The following NSD3 variants were observed in gnomAD, a reference collection of about 807,000 sequenced individuals.
The protein encoded by NSD3 is histone-lysine N-methyltransferase NSD3.
Under a neutral mutation model 160.8 loss-of-function variants are expected in NSD3, and 24 were observed. That is an observed-to-expected ratio of 0.15 (90% CI 0.11 to 0.21). The LOEUF is 0.21. Ranked by LOEUF, NSD3 falls within the 10% of genes least tolerant of loss-of-function variation. The pLI is 1.00. For synonymous variants in NSD3, 520 were observed against 600.0 expected (o/e 0.87, Z 1.95); for missense variants, 1,157 against 1,735.9 (o/e 0.67, Z 5.93).
intron 19 of NSD3, among the ~76,000 whole-genome samples, chr8:38,282,780 G>A (rs1034906660): frequency 2.0e-5 from 3 of 152,216 alleles, no homozygotes; most frequent in Admixed American, 1.3e-4. Context: ...ATTCTCTTGA[G>A]ATCTACCCAA....
rs541670876 is a variant in NSD3, at chr8:38,295,998, G to T, written c.2759-46C>A. ...TTAATAACTGAGAAAAGAGGAGAGA[G>T]AAAAAGAAAGAAAAAGGAGAAAGTT... is the stretch of plus-strand genomic sequence containing the variant. On this transcript the variant is annotated intron_variant, in intron 15 of 23. Transcript: ENST00000317025. 1.5e-5 allele frequency: 23 copies of T among 1,505,554 alleles called. No individual in the cohort carries two copies. The East Asian group carries it at 5.3e-4, about 35-fold the overall frequency. The allele number at this position is 1,505,554 out of a possible 1,614,324, so 93.3% of individuals were successfully genotyped here.
At chr8:38,296,799 A>G (rs1156825433) in intron 15 of NSD3, among the ~76,000 whole-genome samples, 1 of 149,390 alleles carries the variant, frequency 6.7e-6, no homozygotes, top group Admixed American at 6.7e-5. Flanking sequence ...CTGGTCTTGA[A>G]CTCCTGGCCT....
chr8:38,328,283 C>T (rs1482646204), intron 6 of NSD3, among the ~76,000 whole-genome samples: 1 of 152,106 alleles, frequency 6.6e-6, no homozygotes, highest in Non-Finnish European at 1.5e-5. Flanking sequence ...CTTTAAATAG[C>T]ATTCTTTGGG....
intron 1 of NSD3, among the ~76,000 whole-genome samples, chr8:38,349,665 T>TTATATATATATATATATATATA (rs71519992): frequency 9.1e-5 from 10 of 109,780 alleles, no homozygotes; most frequent in African/African-American, 3.2e-4. Context: ...ATTTCTTTCT[T>TTATATATATATATATATATATA]TATATATATA....
At position 38,288,269 on chromosome 8, in the gene NSD3, T is replaced by C. The variant is rs1188675865; in HGVS notation, c.3501+218A>G. On this transcript the variant is annotated intron_variant, in intron 19 of 23. Coordinates refer to ENST00000317025, the MANE Select transcript of NSD3 (RefSeq NM_023034.2). This position sits in a 1 kb window ranked among gnomAD's most constrained non-coding sequence, Gnocchi z 4.5. ...ACCAGTGTCCCCTCTCTCCTTTTTA[T>C]GACTAGCCACTGGACACTCAAAGTT... is the stretch of plus-strand genomic sequence containing the variant. Among the ~76,000 whole-genome samples the C allele has an allele frequency of 6.6e-6, 1 of 152,218 alleles. No homozygotes were observed. The highest frequency in any genetic ancestry group is 1.5e-5 in the Non-Finnish European group (1 of 68,038).
rs1554524739 is a variant in NSD3 at position 38,316,810 on chromosome 8, GT to G, written c.1856-769del. ...AAAAGGCAGAGAATAGTGTGGAATT[GT>G]TTTTTTTAAAACTGTGTGTAATACA... On this transcript the variant is annotated intron_variant, in intron 9 of 23. Coordinates refer to ENST00000317025, the MANE Select transcript of NSD3 (RefSeq NM_023034.2). This position sits in a 1 kb window ranked among gnomAD's most constrained non-coding sequence, Gnocchi z 4.5. 4.7e-6 allele frequency: 5 copies of G among 1,060,446 alleles called. No homozygotes were observed. The highest frequency in any genetic ancestry group is 4.6e-6 in the Non-Finnish European group (4 of 876,112). 65.7% of individuals were successfully genotyped at this position (1,060,446 alleles called of 1,614,324 possible).
chr8:38,341,873 G>A (rs1810377199), intron 2 of NSD3, among the ~76,000 whole-genome samples: 1 of 151,748 alleles, frequency 6.6e-6, no homozygotes, highest in African/African-American at 2.4e-5. Flanking sequence ...TTGAGCCCAG[G>A]AGTTTGAGGC....
intron 1 of NSD3, among the ~76,000 whole-genome samples, chr8:38,376,208 T>C (rs983749038): frequency 2.6e-5 from 4 of 152,120 alleles, no homozygotes; most frequent in African/African-American, 9.7e-5. Flanking sequence ...TCCACTAAAA[T>C]CCACTTCATA....
In NSD3 at chr8:38,317,110, G is replaced by A; in HGVS notation, c.1856-1068C>T. ...GAGCCCATGGAGAAACAAGTCTCCT[G>A]AGGCCATGAAGATCCGCAACAGGCT... On this transcript the variant is annotated intron_variant, in intron 9 of 23. Coordinates refer to ENST00000317025, the MANE Select transcript of NSD3 (RefSeq NM_023034.2). This position sits in a 1 kb window ranked among gnomAD's most constrained non-coding sequence, Gnocchi z 5.3. 1 of 1,062,442 alleles carries A rather than the reference G, an allele frequency of 9.4e-7. No homozygotes were observed. The highest frequency in any genetic ancestry group is 1.1e-6 in the Non-Finnish European group (1 of 877,468). 65.8% of individuals were successfully genotyped at this position (1,062,442 alleles called of 1,614,324 possible). A position where few individuals can be genotyped will look rare whatever the true frequency, so the allele number is the denominator to read the frequency against.
At chr8:38,324,044 A>G (rs1212434022) in intron 7 of NSD3, among the ~76,000 whole-genome samples, 1 of 152,204 alleles carries the variant, frequency 6.6e-6, no homozygotes. Flanking sequence ...AACAAAACTG[A>G]CATACCTAAT....
chr8:38,299,382 T>C (rs540159275), intron 15 of NSD3, 62 bp downstream of exon 15: 52 of 1,545,952 alleles, frequency 3.4e-5, no homozygotes, highest in African/African-American at 8.2e-5. Flanking sequence ...CCCCCCTATA[T>C]TGAAAGAGAA....
intron 1 of NSD3, among the ~76,000 whole-genome samples, chr8:38,373,934 C>CAAAAAAAAA (rs61532119): frequency 5.2e-4 from 13 of 25,102 alleles, no homozygotes; most frequent in East Asian, 1.4e-3. Context: ...TCTGTCTCTA[C>CAAAAAAAAA]AAAAAAAAAA....
chr8:38,317,003 AT>A lies in NSD3; in HGVS notation c.1856-962del, dbSNP rs1462567407. On this transcript the variant is annotated intron_variant, in intron 9 of 23. Coordinates refer to ENST00000317025, the MANE Select transcript of NSD3 (RefSeq NM_023034.2). The surrounding 1 kb of genome is among the most constrained non-coding windows in gnomAD (Gnocchi z 5.3). ...TTTCAACCCACAGTTTGTGTTTTGGATTTTTTCCCCCAAAATTTCCATACAA... is the reference window on the plus strand; with the variant it reads ...TTTCAACCCACAGTTTGTGTTTTGGATTTTTCCCCCAAAATTTCCATACAA... 4 of 1,059,830 alleles carry A rather than the reference AT, an allele frequency of 3.8e-6. No homozygotes were observed. The highest frequency in any genetic ancestry group is 4.6e-6 in the Non-Finnish European group (4 of 875,924). 65.7% of individuals were successfully genotyped at this position (1,059,830 alleles called of 1,614,324 possible). A position where few individuals can be genotyped will look rare whatever the true frequency, so the allele number is the denominator to read the frequency against.
At chr8:38,310,083 T>C (rs897684316) in intron 12 of NSD3, among the ~76,000 whole-genome samples, 1 of 152,224 alleles carries the variant, frequency 6.6e-6, no homozygotes, top group Non-Finnish European at 1.5e-5. Context: ...TTAACCATTT[T>C]TAAGTGTACG....
rs1237672469 is a variant in NSD3 at position 38,283,315 on chromosome 8, CTAATA to C, written c.3502-1737_3502-1733del. On this transcript the variant is annotated intron_variant, in intron 19 of 23. Coordinates refer to ENST00000317025, the MANE Select transcript of NSD3 (RefSeq NM_023034.2). ...TCTCTATAAGGACTTACCAATCTTA[CTAATA>C]TATTTTAGAGGAAAATAAATGTCTT... Among the ~76,000 whole-genome samples, 4 of 152,268 alleles carry C rather than the reference CTAATA, an allele frequency of 2.6e-5. No individual in the cohort carries two copies. In the East Asian group the frequency reaches 5.8e-4, roughly 22 times the overall value.
At chr8:38,285,700 A>G (rs1808840308) in intron 19 of NSD3, among the ~76,000 whole-genome samples, 2 of 152,250 alleles carry the variant, frequency 1.3e-5, no homozygotes, top group African/African-American at 4.8e-5. Flanking sequence ...TATGATATGC[A>G]TGGCACTAAA....
chr8:38,345,845 G>A (rs1194396455), intron 2 of NSD3, among the ~76,000 whole-genome samples: 4 of 152,088 alleles, frequency 2.6e-5, no homozygotes, highest in Non-Finnish European at 5.9e-5. Flanking sequence ...GGAGGCGGAG[G>A]TTGCGGTGAG....
intron 15 of NSD3, among the ~76,000 whole-genome samples, chr8:38,297,029 T>C (rs1809165806): frequency 6.6e-6 from 1 of 152,218 alleles, no homozygotes; most frequent in African/African-American, 2.4e-5. Context: ...CTCATGCAGT[T>C]TGATTCTGTA....
chr8:38,286,913 A>C (rs2130990024), intron 19 of NSD3, among the ~76,000 whole-genome samples: 1 of 152,286 alleles, frequency 6.6e-6, no homozygotes, highest in Admixed American at 6.5e-5. Context: ...AATCACTTGA[A>C]AAGGGCAATC....
Sources: gnomAD v4.1 joint callset for allele counts (sites outside exome capture counted in the v4.1 genomes callset) on GRCh38, gnomAD v4.1.1 for gene constraint, Gnocchi (gnomAD v3.1) non-coding constraint, MANE v1.5 for transcripts, NCBI Gene and HGNC (gene_info 2026-07-23, HGNC 2026-07-21) for gene names.